PCBD2: variants seen among roughly 807,000 people sequenced by gnomAD.
The protein encoded by PCBD2 is pterin-4 alpha-carbinolamine dehydratase 2.
Under a neutral mutation model 16.4 loss-of-function variants are expected in PCBD2, and 12 were observed. That is an observed-to-expected ratio of 0.73 (90% CI 0.47 to 1.19). The LOEUF is 1.19. Ranked by LOEUF, PCBD2 falls within the 50% of genes most tolerant of loss-of-function variation. The probability of loss-of-function intolerance (pLI) is 0.00; values close to 1 mark genes in which losing one functional copy is unlikely to be tolerated. For synonymous variants in PCBD2, 58 were observed against 61.8 expected (o/e 0.94, Z 0.29); for missense variants, 138 against 156.8 (o/e 0.88, Z 0.64).
At chr5:134,905,253 G>A (rs898836383) in intron 1 of PCBD2, 30 bp downstream of exon 1, 3 of 1,221,934 alleles carry the variant, frequency 2.5e-6, no homozygotes. Flanking sequence ...GTGGGTGGGG[G>A]TCCGGGGTCG....
intron 2 of PCBD2, among the ~76,000 whole-genome samples, chr5:134,931,356 C>A (rs1751093618): frequency 6.6e-6 from 1 of 152,110 alleles, no homozygotes; most frequent in African/African-American, 2.4e-5. Context: ...AATATTGCAT[C>A]ATTTACCTGA....
intron 2 of PCBD2, among the ~76,000 whole-genome samples, chr5:134,917,293 C>T (rs1279862717): frequency 1.3e-5 from 2 of 152,356 alleles, no homozygotes; most frequent in Non-Finnish European, 1.5e-5. Context: ...CCGGGCCAGG[C>T]GGCAACACCC....
intron 2 of PCBD2, chr5:134,924,537 C>G: frequency 1.3e-5 from 5 of 397,816 alleles, no homozygotes; most frequent in Non-Finnish European, 2.2e-5. Flanking sequence ...TCGGGAGGAT[C>G]CTATTGGTGC....
chr5:134,924,552 G>C (rs1183726116), intron 2 of PCBD2: 17 of 398,544 alleles, frequency 4.3e-5, no homozygotes, highest in Non-Finnish European at 7.5e-5. Flanking sequence ...TGGTGCGGGG[G>C]CTTTGTATGA....
intron 2 of PCBD2, among the ~76,000 whole-genome samples, chr5:134,936,248 C>G (rs1580888432): frequency 6.6e-6 from 1 of 152,152 alleles, no homozygotes; most frequent in East Asian, 1.9e-4. Context: ...TGTGCAGGTT[C>G]CCCTTGGACA....
At chr5:134,930,397 A>T (rs1396652555) in intron 2 of PCBD2, among the ~76,000 whole-genome samples, 2 of 152,044 alleles carry the variant, frequency 1.3e-5, no homozygotes, top group Non-Finnish European at 2.9e-5. Context: ...TGTAGGATAC[A>T]TACAACCCTT....
chr5:134,926,821 AT>A, intron 2 of PCBD2: 1 of 398,120 alleles, frequency 2.5e-6, no homozygotes, highest in Non-Finnish European at 4.4e-6. Flanking sequence ...TAGAGGGAGT[AT>A]AGGGCTGTGA....
chr5:134,909,145 A>G (rs140788670), intron 1 of PCBD2: 5 of 152,408 alleles, frequency 3.3e-5, no homozygotes, highest in East Asian at 3.9e-4. Flanking sequence ...CTGTTAACCA[A>G]CAGAACCTGG....
intron 2 of PCBD2, among the ~76,000 whole-genome samples, chr5:134,917,244 A>T (rs1750844169): frequency 6.6e-6 from 1 of 152,250 alleles, no homozygotes; most frequent in Non-Finnish European, 1.5e-5. Flanking sequence ...TAGCTACTAC[A>T]GGTGCCAGCA....
chr5:134,906,997 G>A (rs1750699464), intron 1 of PCBD2, among the ~76,000 whole-genome samples: 1 of 152,206 alleles, frequency 6.6e-6, no homozygotes, highest in Non-Finnish European at 1.5e-5. Flanking sequence ...TCCTGGGTGT[G>A]GTCCCTGCTG....
chr5:134,916,040 G>A (rs1463346760), intron 2 of PCBD2, among the ~76,000 whole-genome samples: 1 of 152,190 alleles, frequency 6.6e-6, no homozygotes, highest in African/African-American at 2.4e-5. Context: ...TGTAATCCCA[G>A]AACTCTGGGA....
In PCBD2 at chr5:134,960,525, C is replaced by A. The variant is rs73790760; in HGVS notation, c.298-61C>A. The A allele has an allele frequency of 2.4e-3, 2,905 of 1,206,134 alleles. 57 individuals are homozygous for A. The African/African-American group carries it at 0.04, about 16-fold the overall frequency. The allele number at this position is 1,206,134 out of a possible 1,614,324, so 74.7% of individuals were successfully genotyped here. On this transcript the variant is annotated intron_variant, in intron 3 of 3. Transcript: ENST00000254908. Reference sequence around the variant, plus strand: ...AATAATAGACTGATTTCTGAACTGCCAAAGGAAAATAACCATGATTTGCTG... The same window carrying A: ...AATAATAGACTGATTTCTGAACTGCAAAAGGAAAATAACCATGATTTGCTG...
At chr5:134,932,587 C>G (rs1188335142) in intron 2 of PCBD2, among the ~76,000 whole-genome samples, 1 of 152,106 alleles carries the variant, frequency 6.6e-6, no homozygotes, top group African/African-American at 2.4e-5. Context: ...AGTGATCCCC[C>G]CTGCCTTCTC....
chr5:134,947,797 A>G (rs1230733051), intron 2 of PCBD2, among the ~76,000 whole-genome samples: 2 of 151,612 alleles, frequency 1.3e-5, no homozygotes, highest in African/African-American at 4.8e-5. Context: ...TATAAAGTAG[A>G]ATTTCTTATA....
intron 2 of PCBD2, among the ~76,000 whole-genome samples, chr5:134,918,667 A>G (rs1176923302): frequency 6.6e-6 from 1 of 152,206 alleles, no homozygotes; most frequent in Non-Finnish European, 1.5e-5. Flanking sequence ...AGCAGACTAG[A>G]AACCTGAGAA....
At position 134,962,489 on chromosome 5, in the gene PCBD2, A is replaced by G. The variant is rs1481257119; in HGVS notation, c.*1808A>G. ...GCTGGTCTTGAATGCCTGGGCTCAAATGATCTTCCTGCCTTGACCCCCCAA... is the reference window on the plus strand; with the variant it reads ...GCTGGTCTTGAATGCCTGGGCTCAAGTGATCTTCCTGCCTTGACCCCCCAA... On this transcript the variant is annotated 3_prime_UTR_variant, in exon 4 of 4. Coordinates refer to ENST00000254908, the MANE Select transcript of PCBD2 (RefSeq NM_032151.5). Among the ~76,000 whole-genome samples the G allele has an allele frequency of 6.6e-6, 1 of 151,954 alleles. No homozygotes were observed. Among genetic ancestry groups the G allele is most frequent in the African/African-American group, 2.4e-5 (1 of 41,372 alleles).
At chr5:134,932,722 G>T (rs904901284) in intron 2 of PCBD2, among the ~76,000 whole-genome samples, 3 of 152,000 alleles carry the variant, frequency 2.0e-5, no homozygotes, top group Non-Finnish European at 2.9e-5. Context: ...GGCCTCAAGC[G>T]ATCCTCCCAT....
intron 1 of PCBD2, among the ~76,000 whole-genome samples, chr5:134,906,715 A>G (rs1750695425): frequency 6.6e-6 from 1 of 152,174 alleles, no homozygotes; most frequent in Admixed American, 6.5e-5. Context: ...CACATTCAAG[A>G]TCTGTAATCT....
Position 134,905,163 on chromosome 5 carries a change from C to T in PCBD2, c.24C>T (p.Leu8=), listed in dbSNP as rs1206896798. 8.2e-6 allele frequency: 10 copies of T among 1,221,764 alleles called. No homozygotes were observed. The African/African-American group carries it at 1.3e-4, about 15-fold the overall frequency. The allele number at this position is 1,221,764 out of a possible 1,614,324, so 75.7% of individuals were successfully genotyped here. Reference sequence around the variant, plus strand: ...CAATGGCGGCGGTGCTCGGGGCGCTCGGGGCGACGCGGCGCTTGTTGGCGG... The same window carrying T: ...CAATGGCGGCGGTGCTCGGGGCGCTTGGGGCGACGCGGCGCTTGTTGGCGG... MAAVLGA[L]GATRRLLAAL... The change falls in exon 1 of 4, where the codon CTC becomes CTT. Residue 8 remains leucine, a synonymous_variant. Transcript: ENST00000254908.
Sources: allele counts gnomAD v4.1 joint callset (sites outside exome capture counted in the v4.1 genomes callset), GRCh38; gene constraint gnomAD v4.1.1; transcripts MANE v1.5; gene names NCBI Gene and HGNC (gene_info 2026-07-23, HGNC 2026-07-21).